MTMR4: variants seen among roughly 807,000 people sequenced by gnomAD.
MTMR4 encodes phosphatidylinositol-3,5-bisphosphate 3-phosphatase MTMR4.
In MTMR4, 30 loss-of-function variants were observed where a neutral mutation model predicts 125.5. That is an observed-to-expected ratio of 0.24 (90% confidence interval 0.18 to 0.32). The LOEUF (loss-of-function observed/expected upper bound fraction) is 0.32, where lower values mean the gene tolerates loss of function less well. Among genes scored for constraint, MTMR4 ranks in the 10% least tolerant of loss-of-function variants. MTMR4 has a pLI of 1.00. For missense variants in MTMR4, 1,039 were observed against 1,511.5 expected (o/e 0.69, Z 5.18); for synonymous variants, 498 against 564.5 (o/e 0.88, Z 1.67).
Position 58,491,737 on chromosome 17 carries a change from G to A in MTMR4, c.3556C>T (p.His1186Tyr). The change falls in exon 18 of 18, where the codon CAC (histidine) becomes TAC (tyrosine). Residue 1186 changes from histidine (H) to tyrosine (Y), a missense_variant. This residue lies in a region of MTMR4 where 60 missense variants were observed against 129.6 expected (regional missense o/e 0.46). Transcript: ENST00000682306. ...PVLVCNSCYEHIQVSRARELM... is the reference protein window; with the variant it reads ...PVLVCNSCYEYIQVSRARELM... Reference sequence around the variant, plus strand: ...TCCCTGGCACGAGAGACTTGAATGTGTTCGTAACATGAGTTACAGACGAGA... The same window carrying A: ...TCCCTGGCACGAGAGACTTGAATGTATTCGTAACATGAGTTACAGACGAGA... 6.2e-7 allele frequency: 1 copy of A among 1,614,138 alleles called. No homozygotes were observed. The highest frequency in any genetic ancestry group is 1.1e-5 in the South Asian group (1 of 91,088).
Position 58,507,176 on chromosome 17 carries a change from C to A in MTMR4, c.851G>T (p.Gly284Val), listed in dbSNP as rs1229583048. ...ATCATTATTCCCGGTGCTGAGGGAG[C>A]CCCCAGTGGCCCTTGTCCCCGGGTC... ...ALDPGTRATG[G>V]SLSTGNNDTS... The change falls in exon 8 of 18, where the codon GGC becomes GTC. Residue 284 changes from glycine to valine, a missense_variant. Transcript: ENST00000682306. 2 of 1,613,890 alleles carry A rather than the reference C, an allele frequency of 1.2e-6. No individual in the cohort carries two copies. The highest frequency in any genetic ancestry group is 1.7e-5 in the Admixed American group (1 of 59,996).
chr17:58,494,972 G>A lies in MTMR4; in HGVS notation c.3212C>T (p.Ala1071Val). ...QMRLDIRHCC[A>V]PPAEPPMDYE... is the part of the protein sequence containing the mutation. ...GTCCATGGGGGGCTCTGCTGGAGGG[G>A]CACAGCAGTGACGGATGTCCAGCCT... Residue 1071 changes from alanine (A) to valine (V), a missense_variant, in exon 15 of 18, where the codon GCC becomes GTC. By Grantham distance (64) the Ala-to-Val change is moderately conservative. This residue lies in a region of MTMR4 where 619 missense variants were observed against 714.5 expected (regional missense o/e 0.87). Transcript: ENST00000682306. The A allele has an allele frequency of 6.2e-7, 1 of 1,614,140 alleles. No individual in the cohort carries two copies.
intron 4 of MTMR4, chr17:58,511,189 CATT>C (rs1975920270): frequency 2.4e-6 from 1 of 408,698 alleles, no homozygotes; most frequent in African/African-American, 2.0e-5. Context: ...TACACATACA[CATT>C]ATCTCACTTA....
chr17:58,508,983 G>T lies in MTMR4; in HGVS notation c.336-142C>A. 1.2e-6 allele frequency: 1 copy of T among 801,850 alleles called. No homozygotes were observed. Among genetic ancestry groups the T allele is most frequent in the South Asian group, 1.8e-5 (1 of 54,146 alleles). The allele number at this position is 801,850 out of a possible 1,614,324, so 49.7% of individuals were successfully genotyped here. ...AGGTAAAGCAGTGGGGACCCAGGGT[G>T]GGGGGACGAGGGACACTGGCCAACA... On this transcript the variant is annotated intron_variant, in intron 4 of 17. Transcript: ENST00000682306. The surrounding 1 kb of genome is among the most constrained non-coding windows in gnomAD (Gnocchi z 4.8).
intron 14 of MTMR4, among the ~76,000 whole-genome samples, chr17:58,502,775 T>C (rs1294443203): frequency 2.0e-5 from 3 of 152,230 alleles, no homozygotes; most frequent in Non-Finnish European, 4.4e-5. Flanking sequence ...TATGTAGAGA[T>C]AAACATTTGG....
intron 14 of MTMR4, among the ~76,000 whole-genome samples, chr17:58,500,516 C>T (rs572873344): frequency 6.6e-5 from 10 of 151,970 alleles, no homozygotes; most frequent in Non-Finnish European, 1.2e-4. Flanking sequence ...TTTGGGAGGC[C>T]GAGGCGGGTA....
intron 14 of MTMR4, among the ~76,000 whole-genome samples, chr17:58,501,358 A>G (rs967635665): frequency 6.6e-6 from 1 of 152,132 alleles, no homozygotes; most frequent in African/African-American, 2.4e-5. Flanking sequence ...AAAAATTGGC[A>G]CATGCCTAAT....
chr17:58,492,679 A>C, intron 16 of MTMR4, 80 bp from the exon 17 acceptor site: 2 of 1,435,630 alleles, frequency 1.4e-6, no homozygotes, highest in Non-Finnish European at 9.8e-7. Context: ...AAAGCACCCC[A>C]GCAGAAAGAG....
chr17:58,496,214 C>T lies in MTMR4; in HGVS notation c.1970G>A (p.Gly657Asp). 2 of 1,614,182 alleles carry T rather than the reference C, an allele frequency of 1.2e-6. No homozygotes were observed. The highest frequency in any genetic ancestry group is 1.7e-6 in the Non-Finnish European group (2 of 1,180,030). The change falls in exon 15 of 18, where the codon GGC becomes GAC. Residue 657 changes from glycine (G) to aspartate (D), a missense_variant. By Grantham distance (94) the Gly-to-Asp change is moderately conservative (BLOSUM62 -1). Transcript: ENST00000682306. Reference protein sequence around the residue: ...LNNHCQEVRVGLEPWHSNPEG... With the variant: ...LNNHCQEVRVDLEPWHSNPEG... Reference sequence around the variant, plus strand: ...AGGATTGCTGTGCCAGGGCTCCAGGCCTACCCTGACCTCCTGACAGTGGTT... The same window carrying T: ...AGGATTGCTGTGCCAGGGCTCCAGGTCTACCCTGACCTCCTGACAGTGGTT...
chr17:58,507,383 G>C (rs1163615710), intron 7 of MTMR4, 64 bp from the exon 8 acceptor site: 2 of 1,481,636 alleles, frequency 1.3e-6, no homozygotes, highest in Non-Finnish European at 1.8e-6. Context: ...CTACCTCAGG[G>C]GGTTAGACCA....
chr17:58,498,487 GGAA>G (rs1046907432), intron 14 of MTMR4, among the ~76,000 whole-genome samples: 24 of 135,252 alleles, frequency 1.8e-4, no homozygotes, highest in Non-Finnish European at 2.8e-4. Context: ...TGACTTTAAT[GGAA>G]GAAGAAGAAG....
chr17:58,496,318 G>A lies in MTMR4; in HGVS notation c.1866C>T (p.Thr622=). The A allele has an allele frequency of 1.9e-6, 3 of 1,603,456 alleles. No homozygotes were observed. The highest frequency in any genetic ancestry group is 2.6e-6 in the Non-Finnish European group (3 of 1,175,056). Residue 622 remains threonine (T), a synonymous_variant, in exon 15 of 18, where the codon ACC becomes ACT. Transcript: ENST00000682306. ...SGRSLDRLPK[T]RSMDDLLSAC... is the part of the protein sequence containing the mutation. ...CAGAAAGAAGATCATCCATGGATCTGGTTTTAGGTAATCTGGAAAGACAAA... is the reference window on the plus strand; with the variant it reads ...CAGAAAGAAGATCATCCATGGATCTAGTTTTAGGTAATCTGGAAAGACAAA...
In MTMR4 at chr17:58,489,959, A is replaced by G. The variant is rs1220009216; in HGVS notation, c.*1704T>C. On this transcript the variant is annotated 3_prime_UTR_variant, in exon 18 of 18. Coordinates refer to ENST00000682306, the MANE Select transcript of MTMR4 (RefSeq NM_001378067.1). ...AGCTTGTTACTTTTTCAATGATCTC[A>G]GGAATTTTGCAGACACAAAATCTCC... 3.3e-5 allele frequency: 5 copies of G among 152,684 alleles called. No individual in the cohort carries two copies. Among genetic ancestry groups the G allele is most frequent in the Non-Finnish European group, 1.5e-5 (1 of 68,048 alleles). The allele number at this position is 152,684 out of a possible 1,614,324, so 9.5% of individuals were successfully genotyped here.
rs752703459 is a variant in MTMR4 at position 58,508,597 on chromosome 17, C to G, written c.497-33G>C. 13 of 1,614,138 alleles carry G rather than the reference C, an allele frequency of 8.1e-6. No individual in the cohort carries two copies. The East Asian group carries it at 2.7e-4, about 33-fold the overall frequency. Reference sequence around the variant, plus strand: ...AGAGCCCCCACGATGGTTAGCTTCCCAGAGCACCAATGTGCAGGAGTGGAG... The same window carrying G: ...AGAGCCCCCACGATGGTTAGCTTCCGAGAGCACCAATGTGCAGGAGTGGAG... On this transcript the variant is annotated intron_variant, in intron 5 of 17. Coordinates refer to ENST00000682306, the MANE Select transcript of MTMR4 (RefSeq NM_001378067.1). This position sits in a 1 kb window ranked among gnomAD's most constrained non-coding sequence, Gnocchi z 4.8.
upstream of MTMR4, chr17:58,518,015 G>C (rs1356847157): frequency 3.3e-5 from 5 of 152,852 alleles, no homozygotes; most frequent in East Asian, 1.9e-4. Flanking sequence ...CCTCACTCTC[G>C]ACCCCACTCA....
intron 14 of MTMR4, among the ~76,000 whole-genome samples, chr17:58,499,595 T>C (rs554654487): frequency 6.6e-6 from 1 of 150,992 alleles, no homozygotes; most frequent in South Asian, 2.1e-4. Flanking sequence ...GTTACTGAGC[T>C]CACAACTCCC....
chr17:58,497,584 CTTTATTG>C (rs1975503497), intron 14 of MTMR4, among the ~76,000 whole-genome samples: 1 of 152,230 alleles, frequency 6.6e-6, no homozygotes, highest in South Asian at 2.1e-4. Flanking sequence ...CATTATTGCA[CTTTATTG>C]TTTACTTGTT....
chr17:58,508,150 C>T lies in MTMR4; in HGVS notation c.707+11G>A. Reference sequence around the variant, plus strand: ...AAATGGCCTCCCTACTTCCCAGCCCCACTGCCTCACCTATACACAACCACG... The same window carrying T: ...AAATGGCCTCCCTACTTCCCAGCCCTACTGCCTCACCTATACACAACCACG... On this transcript the variant is annotated intron_variant, in intron 7 of 17. Transcript: ENST00000682306. The surrounding 1 kb of genome is among the most constrained non-coding windows in gnomAD (Gnocchi z 4.8). The T allele has an allele frequency of 6.2e-7, 1 of 1,606,694 alleles. No homozygotes were observed. The highest frequency in any genetic ancestry group is 8.5e-7 in the Non-Finnish European group (1 of 1,174,038).
chr17:58,492,893 T>G lies in MTMR4; in HGVS notation c.3312A>C (p.Glu1104Asp). Reference sequence around the variant, plus strand: ...CCCAGCTTGCTTCTGAAAGGCAGTCTTCACTGTGATCAGAGCCAAAATCCT... The same window carrying G: ...CCCAGCTTGCTTCTGAAAGGCAGTCGTCACTGTGATCAGAGCCAAAATCCT... ...DTEDFGSDHS[E>D]DCLSEASWEP... is the part of the protein sequence containing the mutation. Residue 1104 changes from glutamate (E) to aspartate (D), a missense_variant, in exon 16 of 18, where the codon GAA becomes GAC. Glu to Asp is a conservative substitution (Grantham distance 45). This residue lies in a region of MTMR4 where 619 missense variants were observed against 714.5 expected (regional missense o/e 0.87). Transcript: ENST00000682306. The G allele has an allele frequency of 6.2e-7, 1 of 1,614,236 alleles. No individual in the cohort carries two copies. Among genetic ancestry groups the G allele is most frequent in the South Asian group, 1.1e-5 (1 of 91,080 alleles).
Sources: allele counts gnomAD v4.1 joint callset (sites outside exome capture counted in the v4.1 genomes callset), GRCh38; gene constraint gnomAD v4.1.1; regional missense constraint gnomAD v4.1.1; non-coding constraint Gnocchi (gnomAD v3.1); transcripts MANE v1.5; gene names NCBI Gene and HGNC (gene_info 2026-07-23, HGNC 2026-07-21).